Variants in FHL5 observed in about 807,000 individuals in gnomAD.
FHL5 encodes the protein four and a half LIM domains 5.
Under a neutral mutation model 32.0 loss-of-function variants are expected in FHL5, and 33 were observed. That is an observed-to-expected ratio of 1.03 (90% confidence interval 0.78 to 1.38). The LOEUF (loss-of-function observed/expected upper bound fraction) is 1.38, where lower values mean the gene tolerates loss of function less well. Ranked by LOEUF, FHL5 falls within the 40% of genes most tolerant of loss-of-function variation. The probability of loss-of-function intolerance (pLI) is 0.00; values close to 1 mark genes in which losing one functional copy is unlikely to be tolerated. For synonymous variants in FHL5, 114 were observed against 113.6 expected (o/e 1.00, Z -0.02); for missense variants, 336 against 343.9 (o/e 0.98, Z 0.18).
At chr6:96,598,710 T>C (rs1347972655) in intron 1 of FHL5, among the ~76,000 whole-genome samples, 1 of 152,244 alleles carries the variant, frequency 6.6e-6, no homozygotes, top group African/African-American at 2.4e-5. Context: ...GAACTACTGC[T>C]CTAAAACTTA....
intron 1 of FHL5, among the ~76,000 whole-genome samples, chr6:96,577,568 T>C (rs1170765630): frequency 6.6e-6 from 1 of 152,206 alleles, no homozygotes; most frequent in African/African-American, 2.4e-5. Context: ...ACTTTCACAG[T>C]AATCCAATAG....
intron 1 of FHL5, among the ~76,000 whole-genome samples, chr6:96,602,194 A>G (rs1048941084): frequency 2.0e-5 from 3 of 152,178 alleles, no homozygotes; most frequent in South Asian, 2.1e-4. Flanking sequence ...ACAAACTAGT[A>G]TCAAAAACTC....
Position 96,605,925 on chromosome 6 carries a change from G to A in FHL5, c.358G>A (p.Gly120Arg). The change falls in exon 4 of 6, where the codon GGA (glycine) becomes AGA (arginine). Residue 120 changes from glycine to arginine, a missense_variant. Physicochemically the swap from Gly to Arg is moderately radical, Grantham distance 125. Transcript: ENST00000450218. ...MPGSRKMEFK[G>R]NYWHETCFVC... ...AGGTTCCCGCAAAATGGAATTTAAG[G>A]GAAACTACTGGCATGAAACCTGTTT... The A allele has an allele frequency of 6.2e-7, 1 of 1,613,914 alleles. No homozygotes were observed. The highest frequency in any genetic ancestry group is 8.5e-7 in the Non-Finnish European group (1 of 1,179,916).
chr6:96,571,519 C>T (rs1469393924), intron 1 of FHL5, among the ~76,000 whole-genome samples: 1 of 152,140 alleles, frequency 6.6e-6, no homozygotes, highest in African/African-American at 2.4e-5. Context: ...GAGTTTTCAG[C>T]TCAGTATCTC....
At position 96,588,892 on chromosome 6, in the gene FHL5, TAAC is replaced by T. The variant is rs559955954; in HGVS notation, c.-12-14706_-12-14704del. The stretch of plus-strand genomic sequence containing the variant: ...ATGAGCAATTCTTTTAAAAAAAAAG[TAAC>T]AACCTTTTCATTTACAGTTTGTGTT... On this transcript the variant is annotated intron_variant, in intron 1 of 5. Transcript: ENST00000450218. Among the ~76,000 whole-genome samples, 415 of 151,338 alleles carry T rather than the reference TAAC, an allele frequency of 2.7e-3. 1 individual carries two copies. The highest frequency in any genetic ancestry group is 7.3e-3 in the Middle Eastern group (2 of 274).
chr6:96,603,971 T>C (rs925241317), intron 2 of FHL5, among the ~76,000 whole-genome samples, 199 bp downstream of exon 2: 2 of 152,238 alleles, frequency 1.3e-5, no homozygotes, highest in African/African-American at 2.4e-5. Flanking sequence ...AATCCTCACA[T>C]GATCTTCTAA....
intron 1 of FHL5, among the ~76,000 whole-genome samples, chr6:96,601,094 G>A (rs1056031502): frequency 3.3e-5 from 5 of 152,006 alleles, no homozygotes; most frequent in African/African-American, 7.3e-5. Flanking sequence ...CCAGCACTTC[G>A]GGAGGCCGAG....
intron 1 of FHL5, among the ~76,000 whole-genome samples, chr6:96,583,250 C>T (rs59649889): frequency 0.018 from 2,781 of 152,202 alleles, 71 homozygotes; most frequent in African/African-American, 0.064. Flanking sequence ...AAAAGTAGAG[C>T]CTATTTACTA....
chr6:96,568,505 C>A (rs1770409186), intron 1 of FHL5, among the ~76,000 whole-genome samples: 1 of 152,000 alleles, frequency 6.6e-6, no homozygotes, highest in Admixed American at 6.5e-5. Context: ...ATTCCCTTAT[C>A]TTCAATTTCT....
At chr6:96,587,202 CAG>C (rs149639600) in intron 1 of FHL5, among the ~76,000 whole-genome samples, 1,767 of 152,262 alleles carry the variant, frequency 0.012, 32 homozygotes, top group African/African-American at 0.034. Flanking sequence ...AAATCTTCAC[CAG>C]AGAGTTCTTC....
At chr6:96,609,294 G>T (rs575488793) in intron 4 of FHL5, among the ~76,000 whole-genome samples, 13 of 152,058 alleles carry the variant, frequency 8.5e-5, no homozygotes, top group Non-Finnish European at 8.8e-5. Flanking sequence ...TGATACAAAG[G>T]TTATAGGAAC....
At chr6:96,612,942 C>G (rs1771442690) in intron 5 of FHL5, among the ~76,000 whole-genome samples, 1 of 152,054 alleles carries the variant, frequency 6.6e-6, no homozygotes, top group Non-Finnish European at 1.5e-5. Context: ...TGGCATTAAT[C>G]TGATTATTAT....
chr6:96,615,700 T>C lies in FHL5; in HGVS notation c.783T>C (p.Gly261=). 2 of 1,613,170 alleles carry C rather than the reference T, an allele frequency of 1.2e-6. No homozygotes were observed. Among genetic ancestry groups the C allele is most frequent in the Non-Finnish European group, 1.7e-6 (2 of 1,179,610 alleles). ...GGAAATGCTCTGTCTCCTTGGTGGG[T>C]AAAGGCTTCCTGACCCAGAACAAGG... ...NCGKCSVSLV[G]KGFLTQNKEI... is the part of the protein sequence containing the mutation. Residue 261 remains glycine, a synonymous_variant, in exon 6 of 6, where the codon GGT becomes GGC. Coordinates refer to ENST00000450218, the MANE Select transcript of FHL5 (RefSeq NM_001322466.2).
At chr6:96,580,867 G>C (rs1050960763) in intron 1 of FHL5, among the ~76,000 whole-genome samples, 1 of 152,088 alleles carries the variant, frequency 6.6e-6, no homozygotes, top group African/African-American at 2.4e-5. Flanking sequence ...ATTAGATAAA[G>C]AATATATAAC....
chr6:96,605,809 C>A, intron 3 of FHL5, 93 bp from the exon 4 acceptor site: 1 of 1,041,882 alleles, frequency 9.6e-7, no homozygotes, highest in Non-Finnish European at 1.4e-6. Context: ...ATCATCTTAA[C>A]TTAAAACGTT....
chr6:96,596,045 A>C (rs961918835), intron 1 of FHL5, among the ~76,000 whole-genome samples: 1 of 151,930 alleles, frequency 6.6e-6, no homozygotes, highest in Non-Finnish European at 1.5e-5. Context: ...GGATGATGGG[A>C]CATTCTTTCA....
chr6:96,583,065 CTA>C (rs1438498649), intron 1 of FHL5, among the ~76,000 whole-genome samples: 5 of 152,042 alleles, frequency 3.3e-5, no homozygotes, highest in Non-Finnish European at 7.4e-5. Flanking sequence ...TGTGGACAAA[CTA>C]TACGCTAGGG....
chr6:96,616,108 T>C lies in FHL5; in HGVS notation c.*336T>C, dbSNP rs554573853. 228 of 162,030 alleles carry C rather than the reference T, an allele frequency of 1.4e-3. 11 individuals carry two copies. The South Asian group carries it at 0.045, about 32-fold the overall frequency. 10.0% of individuals were successfully genotyped at this position (162,030 alleles called of 1,614,324 possible). On this transcript the variant is annotated 3_prime_UTR_variant, in exon 6 of 6. Coordinates refer to ENST00000450218, the MANE Select transcript of FHL5 (RefSeq NM_001322466.2). ...ACTGAAGAATGAGGTTTTTCATACC[T>C]GAAGAGTAAAAGAAAAACTAAGAGA... is the stretch of plus-strand genomic sequence containing the variant.
At chr6:96,582,064 T>A (rs891400927) in intron 1 of FHL5, among the ~76,000 whole-genome samples, 3 of 152,168 alleles carry the variant, frequency 2.0e-5, no homozygotes, top group African/African-American at 7.2e-5. Context: ...CTAAATCAGA[T>A]CCTCAAACAA....
Sources: allele counts gnomAD v4.1 joint callset (sites outside exome capture counted in the v4.1 genomes callset), GRCh38; gene constraint gnomAD v4.1.1; transcripts MANE v1.5; gene names NCBI Gene and HGNC (gene_info 2026-07-23, HGNC 2026-07-21).